CALCR: variants seen among roughly 807,000 people sequenced by gnomAD.
CALCR encodes calcitonin receptor.
A neutral mutation model predicts 59.5 loss-of-function variants in CALCR; 47 were observed. That is an observed-to-expected ratio of 0.79 (90% CI 0.63 to 1.01). CALCR has a LOEUF of 1.01. CALCR is among the 50% of genes least tolerant of loss of function. CALCR has a pLI of 0.00. For synonymous variants in CALCR, 213 were observed against 211.3 expected (o/e 1.01, Z -0.07); for missense variants, 566 against 597.1 (o/e 0.95, Z 0.54).
intron 2 of CALCR, among the ~76,000 whole-genome samples, chr7:93,553,713 G>A (rs543924549): frequency 9.2e-5 from 14 of 152,168 alleles, no homozygotes; most frequent in African/African-American, 3.4e-4. Flanking sequence ...GAGTACATGC[G>A]AAGTGCTTTG....
chr7:93,550,767 C>T (rs970313879), intron 2 of CALCR, among the ~76,000 whole-genome samples: 51 of 152,122 alleles, frequency 3.4e-4, no homozygotes, highest in Admixed American at 3.0e-3. Context: ...TCTGAATCAT[C>T]TGCATAATTT....
intron 4 of CALCR, among the ~76,000 whole-genome samples, chr7:93,478,107 C>T (rs867038462): frequency 1.7e-4 from 26 of 151,352 alleles, no homozygotes; most frequent in Middle Eastern, 3.4e-3. Flanking sequence ...AAAGAGCTCT[C>T]AGAAAACCCC....
chr7:93,460,595 A>ATATATATATATATATG, intron 8 of CALCR, among the ~76,000 whole-genome samples: 1 of 77,834 alleles, frequency 1.3e-5, no homozygotes, highest in East Asian at 3.4e-4. Context: ...ATATATATGT[A>ATATATATATATATATG]TATATATATA....
chr7:93,535,595 T>A lies in CALCR; in HGVS notation c.-27+38694A>T, dbSNP rs1345437266. ...CACAGTTTTTGAATGCGTGAGTGAA[T>A]AATGTTTTCATAGAGACCATAGGGC... On this transcript the variant is annotated intron_variant, in intron 2 of 13. Coordinates refer to ENST00000426151, the MANE Select transcript of CALCR (RefSeq NM_001742.4). Among the ~76,000 whole-genome samples the A allele has an allele frequency of 2.0e-5, 3 of 151,832 alleles. No homozygotes were observed. In the South Asian group the frequency reaches 6.2e-4, roughly 31 times the overall value.
At chr7:93,572,330 C>G (rs1790024735) in intron 2 of CALCR, among the ~76,000 whole-genome samples, 1 of 152,086 alleles carries the variant, frequency 6.6e-6, no homozygotes, top group Admixed American at 6.5e-5. Flanking sequence ...TGGAAACCCT[C>G]TTGGTCAGTG....
intron 2 of CALCR, among the ~76,000 whole-genome samples, chr7:93,520,081 A>G (rs890269160): frequency 6.6e-6 from 1 of 152,098 alleles, no homozygotes; most frequent in African/African-American, 2.4e-5. Flanking sequence ...TTTGAAGAAG[A>G]AGCAACTATT....
intron 2 of CALCR, among the ~76,000 whole-genome samples, chr7:93,562,290 A>C (rs1201267685): frequency 6.6e-6 from 1 of 152,100 alleles, no homozygotes; most frequent in African/African-American, 2.4e-5. Flanking sequence ...ATGTTTGTAC[A>C]TAGCTTGGCA....
chr7:93,532,941 T>C (rs1383545218), intron 2 of CALCR, among the ~76,000 whole-genome samples: 1 of 151,248 alleles, frequency 6.6e-6, no homozygotes, highest in African/African-American at 2.4e-5. Flanking sequence ...CCTTCCAGGA[T>C]TGTGACAAGT....
chr7:93,463,439 C>CA (rs1449521347), intron 7 of CALCR, among the ~76,000 whole-genome samples: 5 of 151,832 alleles, frequency 3.3e-5, no homozygotes, highest in Admixed American at 2.0e-4. Flanking sequence ...AATTTTTGCT[C>CA]ATTGAGTTTT....
intron 2 of CALCR, among the ~76,000 whole-genome samples, chr7:93,546,696 G>A (rs1364472671): frequency 6.6e-6 from 1 of 151,392 alleles, no homozygotes. Context: ...GAGACAACAG[G>A]CACGCATGAC....
intron 7 of CALCR, among the ~76,000 whole-genome samples, chr7:93,461,202 G>A (rs1377150267): frequency 2.0e-5 from 3 of 152,122 alleles, no homozygotes; most frequent in South Asian, 4.1e-4. Context: ...AAGAGTGGGT[G>A]ATAAAATCTC....
chr7:93,527,376 G>A (rs1364828121), intron 2 of CALCR, among the ~76,000 whole-genome samples: 1 of 150,142 alleles, frequency 6.7e-6, no homozygotes. Flanking sequence ...TTTAAATGGT[G>A]TATCTAAATA....
At chr7:93,529,050 A>G (rs936926710) in intron 2 of CALCR, among the ~76,000 whole-genome samples, 2 of 152,222 alleles carry the variant, frequency 1.3e-5, no homozygotes, top group Non-Finnish European at 2.9e-5. Flanking sequence ...GGATGAATGA[A>G]TGACATCTGG....
chr7:93,535,462 C>T (rs150808329), intron 2 of CALCR, among the ~76,000 whole-genome samples: 11 of 151,764 alleles, frequency 7.2e-5, no homozygotes, highest in African/African-American at 1.9e-4. Flanking sequence ...ACACCTTTCA[C>T]GAGTAAGTAT....
intron 2 of CALCR, among the ~76,000 whole-genome samples, chr7:93,521,975 G>T (rs891328236): frequency 2.0e-5 from 3 of 152,090 alleles, no homozygotes; most frequent in Non-Finnish European, 1.5e-5. Context: ...CTTAACTTCA[G>T]TGAATTCCGT....
chr7:93,450,010 G>A lies in CALCR; in HGVS notation c.649-6253C>T, dbSNP rs552690791. On this transcript the variant is annotated intron_variant, in intron 8 of 13. Coordinates refer to ENST00000426151, the MANE Select transcript of CALCR (RefSeq NM_001742.4). Reference sequence around the variant, plus strand: ...CATGCGTATGTGCCTTTGGGTATAGGCAAAGGCTGCCCAAGGGGCATGTGA... The same window carrying A: ...CATGCGTATGTGCCTTTGGGTATAGACAAAGGCTGCCCAAGGGGCATGTGA... 7.2e-5 allele frequency among the ~76,000 whole-genome samples: 11 copies of A among 152,138 alleles called. No individual in the cohort carries two copies. The South Asian group carries it at 1.9e-3, about 26-fold the overall frequency.
chr7:93,459,260 AGACACATGT>A (rs1800269595), intron 8 of CALCR, among the ~76,000 whole-genome samples: 1 of 152,180 alleles, frequency 6.6e-6, no homozygotes, highest in African/African-American at 2.4e-5. Flanking sequence ...TGATTTACAG[AGACACATGT>A]GACAATGCAA....
At chr7:93,502,163 A>G (rs1286254474) in intron 2 of CALCR, among the ~76,000 whole-genome samples, 1 of 152,110 alleles carries the variant, frequency 6.6e-6, no homozygotes, top group Non-Finnish European at 1.5e-5. Flanking sequence ...AAAGGAAGGA[A>G]GGAACTAAAA....
At position 93,426,431 on chromosome 7, in the gene CALCR, T is replaced by C. The variant is rs1277857700; in HGVS notation, c.1350A>G (p.Glu450=). 2 of 1,613,850 alleles carry C rather than the reference T, an allele frequency of 1.2e-6. No individual in the cohort carries two copies. The highest frequency in any genetic ancestry group is 3.3e-5 in the Admixed American group (2 of 60,004). Reference sequence around the variant, plus strand: ...TCTCCTCGCCTTGGTTGTTGGCTGGTTCATTCCTCAGCTCCTGATGGCAGA... The same window carrying C: ...TCTCCTCGCCTTGGTTGTTGGCTGGCTCATTCCTCAGCTCCTGATGGCAGA... ...IYICHQELRN[E]PANNQGEESA... is the part of the protein sequence containing the mutation. The change falls in exon 14 of 14, where the codon GAA becomes GAG. Residue 450 remains glutamate (E), a synonymous_variant. Coordinates refer to ENST00000426151, the MANE Select transcript of CALCR (RefSeq NM_001742.4).
Sources: allele counts gnomAD v4.1 joint callset (sites outside exome capture counted in the v4.1 genomes callset), GRCh38; gene constraint gnomAD v4.1.1; transcripts MANE v1.5; gene names NCBI Gene and HGNC (gene_info 2026-07-23, HGNC 2026-07-21).